The following KCNK2 variants were observed in gnomAD, a reference collection of about 807,000 sequenced individuals.
The protein encoded by KCNK2 is potassium channel subfamily K member 2.
A neutral mutation model predicts 40.5 loss-of-function variants in KCNK2; 21 were observed. That is an observed-to-expected ratio of 0.52 (90% CI 0.37 to 0.75). The LOEUF (loss-of-function observed/expected upper bound fraction) is 0.75, where lower values mean the gene tolerates loss of function less well. Among genes scored for constraint, KCNK2 ranks in the 30% least tolerant of loss-of-function variants. The pLI is 0.00. For missense variants in KCNK2, 399 were observed against 531.6 expected (o/e 0.75, Z 2.45); for synonymous variants, 191 against 202.2 (o/e 0.94, Z 0.47).
intron 3 of KCNK2, among the ~76,000 whole-genome samples, chr1:215,135,981 C>A (rs934964193): frequency 6.6e-6 from 1 of 152,170 alleles, no homozygotes; most frequent in African/African-American, 2.4e-5. Context: ...GATCCACCCA[C>A]CTCAGCCTCC....
At chr1:215,033,521 G>A (rs1238772142) in intron 1 of KCNK2, among the ~76,000 whole-genome samples, 1 of 152,124 alleles carries the variant, frequency 6.6e-6, no homozygotes, top group East Asian at 1.9e-4. Flanking sequence ...TAAGGTATGA[G>A]GGGAGGAGAA....
chr1:215,212,253 C>G (rs1415794153), intron 6 of KCNK2, among the ~76,000 whole-genome samples: 2 of 152,062 alleles, frequency 1.3e-5, no homozygotes, highest in African/African-American at 4.8e-5. Context: ...ATAATTGGTC[C>G]TTAGGACTCC....
At chr1:215,044,798 T>C (rs908676447) in intron 1 of KCNK2, among the ~76,000 whole-genome samples, 9 of 42,462 alleles carry the variant, frequency 2.1e-4, no homozygotes, top group East Asian at 1.9e-3. Context: ...TAAGTGTATG[T>C]GTGTGTGTGT....
intron 3 of KCNK2, among the ~76,000 whole-genome samples, chr1:215,151,668 G>A (rs1359089644): frequency 1.3e-5 from 2 of 151,754 alleles, no homozygotes; most frequent in African/African-American, 4.8e-5. Context: ...CTTTTTTTAT[G>A]TCATTCATTT....
chr1:215,116,528 T>C (rs147110456), intron 2 of KCNK2, among the ~76,000 whole-genome samples: 146 of 152,180 alleles, frequency 9.6e-4, no homozygotes, highest in Middle Eastern at 3.4e-3. Flanking sequence ...TTGTTTCTAC[T>C]AACAGAAAAT....
In KCNK2 at chr1:215,082,826, AC is replaced by A. The variant is rs908926562; in HGVS notation, c.-554del. ...TGCGGGCGCCCGGACCGTGCCACAC[AC>A]CCCCCGCGGGGCACGGAGGGCATTG... On this transcript the variant is annotated 5_prime_UTR_variant, in exon 1 of 7. Coordinates refer to ENST00000444842, the MANE Select transcript of KCNK2 (RefSeq NM_001017425.3). 6.6e-6 allele frequency among the ~76,000 whole-genome samples: 1 copy of A among 151,604 alleles called. No homozygotes were observed. Among genetic ancestry groups the A allele is most frequent in the East Asian group, 2.0e-4 (1 of 5,046 alleles).
intron 2 of KCNK2, among the ~76,000 whole-genome samples, chr1:215,093,357 A>G (rs530430458): frequency 7.1e-6 from 1 of 141,702 alleles, no homozygotes; most frequent in Admixed American, 7.6e-5. Context: ...TATATAAAAT[A>G]TACATATATT....
intron 1 of KCNK2, among the ~76,000 whole-genome samples, chr1:215,031,756 A>T (rs1366456967): frequency 6.6e-6 from 1 of 152,292 alleles, no homozygotes; most frequent in South Asian, 2.1e-4. Flanking sequence ...TTGTATATTG[A>T]CTTATATTCT....
At chr1:215,026,201 T>G (rs1656993494) in intron 1 of KCNK2, among the ~76,000 whole-genome samples, 1 of 152,006 alleles carries the variant, frequency 6.6e-6, no homozygotes, top group Non-Finnish European at 1.5e-5. Context: ...AGGTGGTTGT[T>G]TGTTTCTTAT....
intron 2 of KCNK2, among the ~76,000 whole-genome samples, chr1:215,104,363 A>G (rs1660346964): frequency 6.6e-6 from 1 of 152,016 alleles, no homozygotes; most frequent in Non-Finnish European, 1.5e-5. Flanking sequence ...TCATCGTTCT[A>G]GGATCAGAGC....
At chr1:215,181,323 A>G (rs958147975) in intron 5 of KCNK2, among the ~76,000 whole-genome samples, 1 of 152,078 alleles carries the variant, frequency 6.6e-6, no homozygotes, top group Non-Finnish European at 1.5e-5. Flanking sequence ...CTTCCTTGCA[A>G]TCCATGCTTT....
chr1:215,027,319 C>G (rs1216765294), intron 1 of KCNK2, among the ~76,000 whole-genome samples: 1 of 151,970 alleles, frequency 6.6e-6, no homozygotes, highest in Non-Finnish European at 1.5e-5. Context: ...CTGTTTGATT[C>G]CTGGGTTTTA....
chr1:215,061,960 T>C (rs1190849657), intron 1 of KCNK2, among the ~76,000 whole-genome samples: 1 of 152,120 alleles, frequency 6.6e-6, no homozygotes, highest in Non-Finnish European at 1.5e-5. Flanking sequence ...CCTGGAATTA[T>C]AGATTGATTA....
intron 1 of KCNK2, among the ~76,000 whole-genome samples, chr1:215,085,871 T>A (rs750140421): frequency 1.3e-5 from 2 of 152,218 alleles, no homozygotes; most frequent in African/African-American, 4.8e-5. Flanking sequence ...TATAATGCAA[T>A]TCATTTATTG....
chr1:215,169,097 A>T lies in KCNK2; in HGVS notation c.476-102A>T, dbSNP rs754828118. The T allele has an allele frequency of 1.1e-5, 9 of 802,812 alleles. No individual in the cohort carries two copies. The African/African-American group carries it at 1.6e-4, about 14-fold the overall frequency. 49.7% of individuals were successfully genotyped at this position (802,812 alleles called of 1,614,324 possible). On this transcript the variant is annotated intron_variant, in intron 3 of 6. Transcript: ENST00000444842. ...ACGTATTCTTAACTAGTCAAAATCA[A>T]TTATTGATATCTTGCAATTTTTTGG... is the stretch of plus-strand genomic sequence containing the variant.
intron 6 of KCNK2, among the ~76,000 whole-genome samples, chr1:215,201,654 G>A (rs911791841): frequency 6.6e-6 from 1 of 152,124 alleles, no homozygotes; most frequent in African/African-American, 2.4e-5. Context: ...GTGCTGTATT[G>A]GGTGCTGGGA....
intron 6 of KCNK2, among the ~76,000 whole-genome samples, chr1:215,227,466 G>A (rs1666429766): frequency 6.6e-6 from 1 of 152,148 alleles, no homozygotes; most frequent in Non-Finnish European, 1.5e-5. Context: ...GTTCAGGATG[G>A]CCCCCGACAT....
Position 215,156,449 on chromosome 1 carries a change from C to T in KCNK2, c.476-12750C>T, listed in dbSNP as rs111264537. On this transcript the variant is annotated intron_variant, in intron 3 of 6. Coordinates refer to ENST00000444842, the MANE Select transcript of KCNK2 (RefSeq NM_001017425.3). ...CAGAGGCCTTGGCTTGGCATCCATC[C>T]AGCTCTTTGGCACAGACTGCCTGCA... Among the ~76,000 whole-genome samples the T allele has an allele frequency of 2.1e-3, 327 of 152,298 alleles. 1 individual carries two copies. Among genetic ancestry groups the T allele is most frequent in the Non-Finnish European group, 3.7e-3 (251 of 68,012 alleles).
chr1:215,152,729 A>C (rs755435806), intron 3 of KCNK2, among the ~76,000 whole-genome samples: 1 of 152,186 alleles, frequency 6.6e-6, no homozygotes, highest in Non-Finnish European at 1.5e-5. Flanking sequence ...TGTATAGCTT[A>C]GTACTTTATG....
Sources: allele counts gnomAD v4.1 joint callset (sites outside exome capture counted in the v4.1 genomes callset), GRCh38; gene constraint gnomAD v4.1.1; transcripts MANE v1.5; gene names NCBI Gene and HGNC (gene_info 2026-07-23, HGNC 2026-07-21).